POLH: variants seen among roughly 807,000 people sequenced by gnomAD.
POLH encodes the protein DNA polymerase eta.
Under a neutral mutation model 73.6 loss-of-function variants are expected in POLH, and 53 were observed. The ratio of observed to expected loss-of-function variants is 0.72; its 90% CI spans 0.58 to 0.91. The LOEUF (loss-of-function observed/expected upper bound fraction) is 0.91. POLH is among the 40% of genes least tolerant of loss of function. The probability of loss-of-function intolerance (pLI) is 0.00; values close to 1 mark genes in which losing one functional copy is unlikely to be tolerated. For missense variants in POLH, 768 were observed against 865.4 expected (o/e 0.89, Z 1.41); for synonymous variants, 292 against 308.5 (o/e 0.95, Z 0.56).
chr6:43,577,610 CG>C lies in POLH; in HGVS notation c.-5+1171del, dbSNP rs373954912. 2.4e-4 allele frequency among the ~76,000 whole-genome samples: 37 copies of C among 151,504 alleles called. 1 individual carries two copies. The highest frequency in any genetic ancestry group is 1.0e-3 in the South Asian group (5 of 4,786). On this transcript the variant is annotated intron_variant, in intron 1 of 10. Coordinates refer to ENST00000372236, the MANE Select transcript of POLH (RefSeq NM_006502.3). ...ACCTTCCTGCTTTGCAGTTGTAAGA[CG>C]TTTTTTTTTTCAAGGTGAATGTTAG...
intron 9 of POLH, 122 bp downstream of exon 9, chr6:43,605,441 TTC>T: frequency 1.7e-4 from 93 of 550,312 alleles, no homozygotes; most frequent in Non-Finnish European, 2.0e-4. Flanking sequence ...TCCGTTTTCT[TTC>T]TTTTTTTTTT....
chr6:43,578,333 G>T, intron 1 of POLH: 2 of 382,474 alleles, frequency 5.2e-6, no homozygotes, highest in South Asian at 2.0e-5. Context: ...GTTGCAGTGA[G>T]CCGAGACTGT....
intron 4 of POLH, 21 bp downstream of exon 4, chr6:43,587,510 T>C: frequency 1.3e-6 from 2 of 1,524,332 alleles, no homozygotes; most frequent in Non-Finnish European, 9.1e-7. Context: ...AGCATCATAC[T>C]GCTTCTGCTT....
intron 9 of POLH, among the ~76,000 whole-genome samples, chr6:43,610,056 C>CTTTT (rs1297780442): frequency 8.8e-4 from 87 of 98,476 alleles, no homozygotes; most frequent in African/African-American, 1.1e-3. Context: ...TATATAGATT[C>CTTTT]TTTTTTTTTT....
At position 43,620,390 on chromosome 6, in the gene POLH, A is replaced by T. The variant is rs1207608254; in HGVS notation, c.*5833A>T. The T allele has an allele frequency of 3.3e-5, 16 of 490,422 alleles. 1 individual carries two copies. The Admixed American group carries it at 3.7e-4, about 11-fold the overall frequency. 30.4% of individuals were successfully genotyped at this position (490,422 alleles called of 1,614,324 possible). On this transcript the variant is annotated 3_prime_UTR_variant, in exon 11 of 11. Coordinates refer to ENST00000372236, the MANE Select transcript of POLH (RefSeq NM_006502.3). Reference sequence around the variant, plus strand: ...GAGATACCAGCTGGGCTCTTTCCACATTCAGGGCTCAGCAGTGTTGGGGTT... The same window carrying T: ...GAGATACCAGCTGGGCTCTTTCCACTTTCAGGGCTCAGCAGTGTTGGGGTT...
At position 43,618,726 on chromosome 6, in the gene POLH, G is replaced by T. The variant is rs1561919184; in HGVS notation, c.*4169G>T. On this transcript the variant is annotated 3_prime_UTR_variant, in exon 11 of 11. Coordinates refer to ENST00000372236, the MANE Select transcript of POLH (RefSeq NM_006502.3). The stretch of plus-strand genomic sequence containing the variant: ...GCTCACTGCAACCTCCGCCTCCCGG[G>T]TTCAAGCGATTCTCCTGCATCAGCC... Among the ~76,000 whole-genome samples, 1 of 152,168 alleles carries T rather than the reference G, an allele frequency of 6.6e-6. No homozygotes were observed. The highest frequency in any genetic ancestry group is 1.5e-5 in the Non-Finnish European group (1 of 68,038).
intron 9 of POLH, among the ~76,000 whole-genome samples, chr6:43,607,642 CTG>C (rs1272005951): frequency 3.9e-5 from 6 of 152,162 alleles, no homozygotes; most frequent in African/African-American, 1.4e-4. Flanking sequence ...AATCGCCAGA[CTG>C]TTTTCCACAG....
intron 3 of POLH, among the ~76,000 whole-genome samples, chr6:43,586,245 G>C (rs1257084182): frequency 6.6e-6 from 1 of 152,024 alleles, no homozygotes; most frequent in African/African-American, 2.4e-5. Flanking sequence ...TGGGGAGGCC[G>C]AGGTGGGTGG....
In POLH at chr6:43,617,061, G is replaced by GCTAGT; in HGVS notation, c.*2504_*2505insCTAGT. On this transcript the variant is annotated 3_prime_UTR_variant, in exon 11 of 11. Coordinates refer to ENST00000372236, the MANE Select transcript of POLH (RefSeq NM_006502.3). ...AAAAATTAGCCGGGCATGGTGGTGGGTGCGTGTAATCCCAGCTAGTTGGGA... is the reference window on the plus strand; with the variant it reads ...AAAAATTAGCCGGGCATGGTGGTGGGCTAGTTGCGTGTAATCCCAGCTAGTTGGGA... Among the ~76,000 whole-genome samples, 1 of 152,256 alleles carries GCTAGT rather than the reference G, an allele frequency of 6.6e-6. No individual in the cohort carries two copies. The highest frequency in any genetic ancestry group is 1.9e-4 in the East Asian group (1 of 5,164).
Position 43,583,154 on chromosome 6 carries a change from C to T in POLH, c.272+13C>T, listed in dbSNP as rs754038519. ...CTAACCTCACCAAGTAAGAAAAAAA[C>T]ATTATTTAAGGAGACATAAAGGAGT... On this transcript the variant is annotated intron_variant, in intron 3 of 10. Transcript: ENST00000372236. 2 of 1,612,716 alleles carry T rather than the reference C, an allele frequency of 1.2e-6. No individual in the cohort carries two copies. The highest frequency in any genetic ancestry group is 4.5e-5 in the East Asian group (2 of 44,870).
rs755973003 is a variant in POLH at position 43,601,056 on chromosome 6, C to G, written c.729C>G (p.Val243=). 6.2e-7 allele frequency: 1 copy of G among 1,613,926 alleles called. No homozygotes were observed. Among genetic ancestry groups the G allele is most frequent in the Non-Finnish European group, 8.5e-7 (1 of 1,179,848 alleles). ...NRQTLVSHGS[V]PQLFSQMPIR... ...AAACCCTGGTTTCACATGGGTCAGT[C>G]CCACAGCTCTTCAGCCAAATGCCCA... is the stretch of plus-strand genomic sequence containing the variant. Residue 243 remains valine, a synonymous_variant, in exon 6 of 11, where the codon GTC becomes GTG. Transcript: ENST00000372236.
intron 1 of POLH, among the ~76,000 whole-genome samples, chr6:43,581,916 T>TTAA (rs1764321475): frequency 6.6e-6 from 1 of 151,028 alleles, no homozygotes; most frequent in African/African-American, 2.4e-5. Flanking sequence ...CAAGATCGAG[T>TTAA]GAAAGAATCT....
chr6:43,577,957 G>A (rs1763558316), intron 1 of POLH, among the ~76,000 whole-genome samples: 1 of 151,872 alleles, frequency 6.6e-6, no homozygotes, highest in Non-Finnish European at 1.5e-5. Context: ...GGTGGCACGC[G>A]CCTGTAGTCC....
intron 6 of POLH, among the ~76,000 whole-genome samples, chr6:43,601,783 G>T (rs893874228): frequency 6.6e-6 from 1 of 152,154 alleles, no homozygotes; most frequent in African/African-American, 2.4e-5. Context: ...AATAGGCCGG[G>T]TGCGGTGGCT....
chr6:43,605,912 CG>C (rs112237130), intron 9 of POLH, among the ~76,000 whole-genome samples: 4,963 of 151,896 alleles, frequency 0.033, 262 homozygotes, highest in African/African-American at 0.11. Flanking sequence ...TCAGTAGAGA[CG>C]GGGTTCTACC....
At chr6:43,578,217 T>C (rs1763599333) in intron 1 of POLH, among the ~76,000 whole-genome samples, 1 of 150,928 alleles carries the variant, frequency 6.6e-6, no homozygotes, top group South Asian at 2.1e-4. Context: ...TGAAACCCAG[T>C]CTCTACTCGA....
intron 9 of POLH, among the ~76,000 whole-genome samples, chr6:43,608,580 A>G (rs1330844813): frequency 2.0e-5 from 3 of 152,152 alleles, no homozygotes; most frequent in African/African-American, 7.2e-5. Context: ...GAGCACAGTA[A>G]TACAACCTTA....
chr6:43,583,713 G>T (rs186290872), intron 3 of POLH, among the ~76,000 whole-genome samples: 1 of 152,250 alleles, frequency 6.6e-6, no homozygotes, highest in East Asian at 1.9e-4. Context: ...ATTATCACAT[G>T]CCAGGCACAG....
rs397944590 is a variant in POLH, at chr6:43,617,916, CA to C, written c.*3372del. Among the ~76,000 whole-genome samples, 288 of 136,680 alleles carry C rather than the reference CA, an allele frequency of 2.1e-3. No homozygotes were observed. The highest frequency in any genetic ancestry group is 4.7e-3 in the African/African-American group (179 of 38,116). The allele number at this position is 136,680 out of a possible 152,430, so 89.7% of individuals were successfully genotyped here. ...CCCTGGCGACACAGCAAGACTGTCTCAAAAAAAAAAAAATTCCCAATGTGTA... is the reference window on the plus strand; with the variant it reads ...CCCTGGCGACACAGCAAGACTGTCTCAAAAAAAAAAAATTCCCAATGTGTA... On this transcript the variant is annotated 3_prime_UTR_variant, in exon 11 of 11. Coordinates refer to ENST00000372236, the MANE Select transcript of POLH (RefSeq NM_006502.3).
Sources: gnomAD v4.1 joint callset for allele counts (sites outside exome capture counted in the v4.1 genomes callset) on GRCh38, gnomAD v4.1.1 for gene constraint, MANE v1.5 for transcripts, NCBI Gene and HGNC (gene_info 2026-07-23, HGNC 2026-07-21) for gene names.